Variants in AFAP1 observed in about 807,000 individuals in gnomAD.
AFAP1 encodes actin filament associated protein 1.
A neutral mutation model predicts 93.9 loss-of-function variants in AFAP1; 75 were observed. The ratio of observed to expected loss-of-function variants is 0.80; its 90% CI spans 0.66 to 0.97. The LOEUF (loss-of-function observed/expected upper bound fraction) is 0.97, where lower values mean the gene tolerates loss of function less well. Among genes scored for constraint, AFAP1 ranks in the 50% least tolerant of loss-of-function variants. The probability of loss-of-function intolerance (pLI) is 0.00; values close to 1 mark genes in which losing one functional copy is unlikely to be tolerated. For synonymous variants in AFAP1, 517 were observed against 430.7 expected (o/e 1.20, Z -2.48); for missense variants, 1,201 against 1,050.8 (o/e 1.14, Z -1.98).
chr4:7,781,323 G>A, intron 13 of AFAP1, 53 bp downstream of exon 13: 7 of 1,536,934 alleles, frequency 4.6e-6, no homozygotes, highest in African/African-American at 1.4e-5. Flanking sequence ...AACTCTGTTG[G>A]AGCAATGTGA....
chr4:7,863,899 A>T (rs1355403733), intron 3 of AFAP1, among the ~76,000 whole-genome samples: 1 of 152,238 alleles, frequency 6.6e-6, no homozygotes, highest in Non-Finnish European at 1.5e-5. Flanking sequence ...TAGCTGAAGT[A>T]AATTGTACAC....
intron 10 of AFAP1, among the ~76,000 whole-genome samples, chr4:7,795,589 T>C (rs374690557): frequency 6.6e-6 from 1 of 151,770 alleles, no homozygotes; most frequent in Non-Finnish European, 1.5e-5. Context: ...CACGCCCGGA[T>C]AATTTTTTGT....
chr4:7,799,445 C>T (rs1438940999), intron 10 of AFAP1, among the ~76,000 whole-genome samples: 1 of 152,186 alleles, frequency 6.6e-6, no homozygotes, highest in Non-Finnish European at 1.5e-5. Flanking sequence ...GTCGCAGCCC[C>T]AGGCACTCTC....
chr4:7,834,641 G>A (rs1369586229), intron 6 of AFAP1, among the ~76,000 whole-genome samples: 1 of 152,250 alleles, frequency 6.6e-6, no homozygotes, highest in Non-Finnish European at 1.5e-5. Flanking sequence ...AATTCAGAAG[G>A]GAAGCCTGGT....
intron 6 of AFAP1, among the ~76,000 whole-genome samples, chr4:7,823,034 A>G (rs916614282): frequency 6.6e-6 from 1 of 151,838 alleles, no homozygotes; most frequent in African/African-American, 2.4e-5. Context: ...TTATATAGCT[A>G]AATAGAACTC....
chr4:7,794,006 T>C (rs1189381407), intron 10 of AFAP1, among the ~76,000 whole-genome samples, 180 bp from the exon 11 acceptor site: 1 of 152,148 alleles, frequency 6.6e-6, no homozygotes. Context: ...AGGCCTTAAT[T>C]TAGGAAGTGT....
Position 7,766,339 on chromosome 4 carries a change from T to A in AFAP1, c.2418+2505A>T, listed in dbSNP as rs541917478. ...GGCGCTCAAGGGCAGTCCTCTGTTG[T>A]ACAGGTCCCCCATTTCCTCCCAGGC... is the stretch of plus-strand genomic sequence containing the variant. On this transcript the variant is annotated intron_variant, in intron 17 of 17. Transcript: ENST00000420658. 1.1e-3 allele frequency among the ~76,000 whole-genome samples: 170 copies of A among 152,308 alleles called. 4 individuals carry two copies. Among genetic ancestry groups the A allele is most frequent in the Admixed American group, 8.5e-4 (13 of 15,298 alleles).
Position 7,819,072 on chromosome 4 carries a change from T to G in AFAP1, c.822+4A>C, listed in dbSNP as rs1720734826. 13 of 1,606,554 alleles carry G rather than the reference T, an allele frequency of 8.1e-6. No homozygotes were observed. The highest frequency in any genetic ancestry group is 1.1e-5 in the Non-Finnish European group (13 of 1,176,770). On this transcript the variant is annotated splice_donor_region_variant and intron_variant, in intron 7 of 17. Transcript: ENST00000420658. Reference sequence around the variant, plus strand: ...TCCCCACCCAGCAAGAGCAGCGCCCTTACCTTCTCCAGTTCTGCCTTGTGC... The same window carrying G: ...TCCCCACCCAGCAAGAGCAGCGCCCGTACCTTCTCCAGTTCTGCCTTGTGC...
At chr4:7,782,058 A>G (rs1716826442) in intron 12 of AFAP1, among the ~76,000 whole-genome samples, 1 of 152,234 alleles carries the variant, frequency 6.6e-6, no homozygotes, top group Admixed American at 6.5e-5. Flanking sequence ...GCATGGGACC[A>G]GGGGCCTGGT....
intron 4 of AFAP1, among the ~76,000 whole-genome samples, chr4:7,848,164 T>TGGGA (rs202157134): frequency 3.7e-4 from 28 of 75,818 alleles, no homozygotes; most frequent in African/African-American, 8.5e-4. Context: ...GATGGGTAAG[T>TGGGA]GGGAGGGAGG....
At chr4:7,763,919 A>G (rs1024008542) in intron 17 of AFAP1, 128 bp from the exon 18 acceptor site, 2 of 831,740 alleles carry the variant, frequency 2.4e-6, no homozygotes, top group Non-Finnish European at 4.0e-6. Flanking sequence ...AACAGAATCA[A>G]TGACCAATGA....
At chr4:7,826,301 G>A (rs950383459) in intron 6 of AFAP1, among the ~76,000 whole-genome samples, 1 of 152,214 alleles carries the variant, frequency 6.6e-6, no homozygotes, top group Non-Finnish European at 1.5e-5. Context: ...AGTTTGGAGA[G>A]TCCCCACCCC....
At position 7,774,724 on chromosome 4, in the gene AFAP1, C is replaced by T; in HGVS notation, c.2062+15G>A. 1 of 1,613,442 alleles carries T rather than the reference C, an allele frequency of 6.2e-7. No homozygotes were observed. Among genetic ancestry groups the T allele is most frequent in the Admixed American group, 1.7e-5 (1 of 59,934 alleles). ...ACAAACATGCACCCTGGGCAGTCAC[C>T]CACACCCTTCATACCGGCGTTCACT... On this transcript the variant is annotated intron_variant, in intron 15 of 17. Transcript: ENST00000420658.
At position 7,906,274 on chromosome 4, in the gene AFAP1, G is replaced by C. The variant is rs868090994; in HGVS notation, c.-3+33382C>G. ...CTTCTGTGAGCCACAAGAGAATCAG[G>C]GGGCAACAGAAGATATGAAAGCTGC... On this transcript the variant is annotated intron_variant, in intron 1 of 17. Coordinates refer to ENST00000420658, the MANE Select transcript of AFAP1 (RefSeq NM_001134647.2). Among the ~76,000 whole-genome samples the C allele has an allele frequency of 3.9e-5, 6 of 152,240 alleles. No individual in the cohort carries two copies. The Middle Eastern group carries it at 0.017, about 432-fold the overall frequency.
At chr4:7,874,874 T>A (rs1717396119) in intron 1 of AFAP1, among the ~76,000 whole-genome samples, 2 of 152,160 alleles carry the variant, frequency 1.3e-5, no homozygotes, top group Admixed American at 1.3e-4. Flanking sequence ...TATGTTAACA[T>A]AATAGGTTTA....
rs186363511 is a variant in AFAP1, at chr4:7,915,492, G to A, written c.-3+24164C>T. ...AAACCCCATCTAAAAAAAAAAAGAA[G>A]AAGAAGAAGGAAAAAGAAATATCTG... On this transcript the variant is annotated intron_variant, in intron 1 of 17. Transcript: ENST00000420658. Among the ~76,000 whole-genome samples, 1,113 of 151,596 alleles carry A rather than the reference G, an allele frequency of 7.3e-3. 18 individuals are homozygous for A. The highest frequency in any genetic ancestry group is 0.026 in the African/African-American group (1,065 of 41,276).
At chr4:7,778,027 G>C (rs1716330144) in intron 14 of AFAP1, 1 of 152,808 alleles carries the variant, frequency 6.5e-6, no homozygotes, top group Admixed American at 6.5e-5. Flanking sequence ...GGCAGGCTGA[G>C]TGTCTCATGT....
rs1017929385 is a variant in AFAP1, at chr4:7,822,900, C to T, written c.727-3729G>A. 1.2e-3 allele frequency among the ~76,000 whole-genome samples: 184 copies of T among 147,880 alleles called. 1 individual carries two copies. Among genetic ancestry groups the T allele is most frequent in the Non-Finnish European group, 2.1e-3 (143 of 66,716 alleles). On this transcript the variant is annotated intron_variant, in intron 6 of 17. Transcript: ENST00000420658. ...GAGCCACTGCGCCCGGCCCCTCTTT[C>T]TTTTTTTTTTTCAACAGGGGAACTT...
chr4:7,810,304 G>A (rs1454013372), intron 8 of AFAP1, among the ~76,000 whole-genome samples: 1 of 152,264 alleles, frequency 6.6e-6, no homozygotes, highest in African/African-American at 2.4e-5. Context: ...TTATGTGGAA[G>A]AGCAGCCGGG....
Sources: allele counts gnomAD v4.1 joint callset (sites outside exome capture counted in the v4.1 genomes callset), GRCh38; gene constraint gnomAD v4.1.1; transcripts MANE v1.5; gene names NCBI Gene and HGNC (gene_info 2026-07-23, HGNC 2026-07-21).